Variants in SLC15A5 observed in about 807,000 individuals in gnomAD.
SLC15A5 encodes solute carrier family 15 member 5.
Under a neutral mutation model 56.1 loss-of-function variants are expected in SLC15A5, and 58 were observed. That is an observed-to-expected ratio of 1.03 (90% CI 0.84 to 1.29). The LOEUF is 1.29. SLC15A5 is among the 50% of genes most tolerant of loss of function. The pLI, the probability that SLC15A5 is intolerant of heterozygous loss-of-function variation, is 0.00. For synonymous variants in SLC15A5, 264 were observed against 250.5 expected, an observed-to-expected ratio of 1.05 and a Z score of -0.51; for missense variants, 681 against 672.1, an observed-to-expected ratio of 1.01 and a Z score of -0.15.
intron 2 of SLC15A5, among the ~76,000 whole-genome samples, chr12:16,259,671 G>T (rs1417241379): frequency 6.6e-6 from 1 of 152,162 alleles, no homozygotes; most frequent in Non-Finnish European, 1.5e-5. Context: ...TCTCAGACTT[G>T]TTGCTGTGTG....
chr12:16,197,249 C>T (rs1422758859), intron 7 of SLC15A5, among the ~76,000 whole-genome samples: 1 of 152,042 alleles, frequency 6.6e-6, no homozygotes. Context: ...TATTTAGATT[C>T]ATTTAACATT....
At chr12:16,221,657 T>C (rs1463825509) in intron 6 of SLC15A5, among the ~76,000 whole-genome samples, 1 of 152,160 alleles carries the variant, frequency 6.6e-6, no homozygotes, top group African/African-American at 2.4e-5. Context: ...AGGGGAATGA[T>C]AGAACTTATG....
rs112298762 is a variant in SLC15A5, at chr12:16,243,825, T to A, written c.975+755A>T. On this transcript the variant is annotated intron_variant, in intron 4 of 8. Transcript: ENST00000344941. The surrounding 1 kb of genome is among the most constrained non-coding windows in gnomAD (Gnocchi z 4.4). ...CAAATAAAGTAGTTTATGAAGTTAATCTCTAAATTTTGTTGCAGCTCTATT... is the reference window on the plus strand; with the variant it reads ...CAAATAAAGTAGTTTATGAAGTTAAACTCTAAATTTTGTTGCAGCTCTATT... Among the ~76,000 whole-genome samples, 12 of 152,328 alleles carry A rather than the reference T, an allele frequency of 7.9e-5. No individual in the cohort carries two copies. The highest frequency in any genetic ancestry group is 2.2e-4 in the African/African-American group (9 of 41,580).
rs1412402716 is a variant in SLC15A5 at position 16,237,618 on chromosome 12, T to C, written c.1162+2063A>G. On this transcript the variant is annotated intron_variant, in intron 5 of 8. Coordinates refer to ENST00000344941, the MANE Select transcript of SLC15A5 (RefSeq NM_001170798.1). This position sits in a 1 kb window ranked among gnomAD's most constrained non-coding sequence, Gnocchi z 4.1. ...ATTTCAAATATGCAGGAGTAGAGAATTGTCCAAAAGAAAGTTGCTTAACTT... is the reference window on the plus strand; with the variant it reads ...ATTTCAAATATGCAGGAGTAGAGAACTGTCCAAAAGAAAGTTGCTTAACTT... 6.6e-6 allele frequency among the ~76,000 whole-genome samples: 1 copy of C among 152,216 alleles called. No individual in the cohort carries two copies. Among genetic ancestry groups the C allele is most frequent in the African/African-American group, 2.4e-5 (1 of 41,458 alleles).
In SLC15A5 at chr12:16,251,247, A is replaced by G. The variant is rs140434506; in HGVS notation, c.755-6447T>C. Among the ~76,000 whole-genome samples, 1,499 of 151,964 alleles carry G rather than the reference A, an allele frequency of 9.9e-3. 31 individuals carry two copies. The highest frequency in any genetic ancestry group is 0.034 in the African/African-American group (1,424 of 41,524). ...ATGTTTACATTAATAAAGAAGAATG[A>G]TCTCAAATCAATAACTTAACCTTAC... On this transcript the variant is annotated intron_variant, in intron 3 of 8. Coordinates refer to ENST00000344941, the MANE Select transcript of SLC15A5 (RefSeq NM_001170798.1).
In SLC15A5 at chr12:16,244,782, C is replaced by A; in HGVS notation, c.773G>T (p.Gly258Val). 6.5e-7 allele frequency: 1 copy of A among 1,537,792 alleles called. No homozygotes were observed. Among genetic ancestry groups the A allele is most frequent in the Non-Finnish European group, 8.7e-7 (1 of 1,147,034 alleles). Residue 258 changes from glycine (G) to valine (V), a missense_variant, in exon 4 of 9, where the codon GGC becomes GTC. By Grantham distance (109) the Gly-to-Val change is moderately radical. Transcript: ENST00000344941. ...QSEKRCSLLTGVGVLVSALKT... is the reference protein window; with the variant it reads ...QSEKRCSLLTVVGVLVSALKT... The stretch of plus-strand genomic sequence containing the variant: ...CAGTGCACTAACCAACACCCCAACG[C>A]CTGTCAGGAGAGAACAACCTGCAAG...
chr12:16,256,963 ATATC>A (rs1490458618), intron 3 of SLC15A5, among the ~76,000 whole-genome samples: 49 of 144,972 alleles, frequency 3.4e-4, no homozygotes, highest in African/African-American at 1.3e-3. Flanking sequence ...GTTTCTGGAC[ATATC>A]TGGCATTTGG....
chr12:16,268,664 G>T (rs1864719021), intron 2 of SLC15A5, among the ~76,000 whole-genome samples: 1 of 151,914 alleles, frequency 6.6e-6, no homozygotes, highest in Non-Finnish European at 1.5e-5. Context: ...TGAGATAATT[G>T]CTATAAAATT....
At chr12:16,259,899 G>GGGT (rs746133827) in intron 2 of SLC15A5, among the ~76,000 whole-genome samples, 77 of 150,772 alleles carry the variant, frequency 5.1e-4, no homozygotes, top group Non-Finnish European at 8.6e-4. Flanking sequence ...ACACCACCCG[G>GGGT]GCGGGGGGTA....
chr12:16,226,449 A>T (rs1335151633), intron 5 of SLC15A5, among the ~76,000 whole-genome samples: 1 of 152,182 alleles, frequency 6.6e-6, no homozygotes, highest in African/African-American at 2.4e-5. Flanking sequence ...TTCATAAAAA[A>T]GATATATGAG....
chr12:16,214,014 A>G (rs958411410), intron 7 of SLC15A5, among the ~76,000 whole-genome samples: 1 of 152,200 alleles, frequency 6.6e-6, no homozygotes, highest in African/African-American at 2.4e-5. Flanking sequence ...GTATATTGAA[A>G]TCAATGTTGG....
chr12:16,232,206 C>G (rs1195405767), intron 5 of SLC15A5, among the ~76,000 whole-genome samples: 1 of 151,996 alleles, frequency 6.6e-6, no homozygotes, highest in East Asian at 1.9e-4. Flanking sequence ...ATCTTAGAAA[C>G]CAAATATGAC....
chr12:16,234,341 T>A (rs946332322), intron 5 of SLC15A5, among the ~76,000 whole-genome samples: 1 of 152,164 alleles, frequency 6.6e-6, no homozygotes, highest in Admixed American at 6.5e-5. Flanking sequence ...ACCATAGCAC[T>A]CTTACCTAGG....
intron 3 of SLC15A5, among the ~76,000 whole-genome samples, chr12:16,247,760 CA>C (rs1178732795): frequency 6.6e-6 from 1 of 152,020 alleles, no homozygotes; most frequent in African/African-American, 2.4e-5. Flanking sequence ...AGGAGGTTGT[CA>C]GGGGGGTCAG....
chr12:16,274,374 A>G (rs530719390), intron 1 of SLC15A5, among the ~76,000 whole-genome samples: 1 of 152,042 alleles, frequency 6.6e-6, no homozygotes, highest in Non-Finnish European at 1.5e-5. Flanking sequence ...TGGCTCCTCC[A>G]TGTTCGTTTT....
At position 16,237,323 on chromosome 12, in the gene SLC15A5, G is replaced by A. The variant is rs1164696257; in HGVS notation, c.1162+2358C>T. ...CACTTTTATATTCCCATAGCAAAAC[G>A]TTATGCAAATAAACGTACAAGTATG... On this transcript the variant is annotated intron_variant, in intron 5 of 8. Coordinates refer to ENST00000344941, the MANE Select transcript of SLC15A5 (RefSeq NM_001170798.1). This position sits in a 1 kb window ranked among gnomAD's most constrained non-coding sequence, Gnocchi z 4.1. Among the ~76,000 whole-genome samples, 3 of 152,022 alleles carry A rather than the reference G, an allele frequency of 2.0e-5. No individual in the cohort carries two copies. The highest frequency in any genetic ancestry group is 4.8e-5 in the African/African-American group (2 of 41,408).
At chr12:16,198,862 A>G (rs1440625479) in intron 7 of SLC15A5, among the ~76,000 whole-genome samples, 5 of 152,134 alleles carry the variant, frequency 3.3e-5, no homozygotes, top group Admixed American at 6.6e-5. Context: ...TTTCTCTTCT[A>G]TCTAATGCCC....
chr12:16,254,030 T>C (rs1388688517), intron 3 of SLC15A5, among the ~76,000 whole-genome samples: 1 of 152,100 alleles, frequency 6.6e-6, no homozygotes, highest in Admixed American at 6.6e-5. Context: ...GCTAGACACA[T>C]CCCACATGTC....
chr12:16,253,940 T>C (rs1162652683), intron 3 of SLC15A5, among the ~76,000 whole-genome samples: 1 of 152,110 alleles, frequency 6.6e-6, no homozygotes, highest in African/African-American at 2.4e-5. Flanking sequence ...TGAGTATATA[T>C]CCATAAGAAT....
Sources: gnomAD v4.1 joint callset for allele counts (sites outside exome capture counted in the v4.1 genomes callset) on GRCh38, gnomAD v4.1.1 for gene constraint, Gnocchi (gnomAD v3.1) non-coding constraint, MANE v1.5 for transcripts, NCBI Gene and HGNC (gene_info 2026-07-23, HGNC 2026-07-21) for gene names.